The following MAST1 variants were observed in gnomAD, a reference collection of about 807,000 sequenced individuals.
MAST1 encodes microtubule-associated serine/threonine-protein kinase 1.
MAST1 carries 40 observed loss-of-function variants against 124.6 expected under a neutral mutation model. The ratio of observed to expected loss-of-function variants is 0.32; its 90% CI spans 0.25 to 0.42. MAST1 has a LOEUF of 0.42. MAST1 is among the 10% of genes least tolerant of loss of function. The pLI is 1.00. For synonymous variants in MAST1, 938 were observed against 939.4 expected (o/e 1.00, Z 0.03); for missense variants, 1,558 against 2,181.9 (o/e 0.71, Z 5.70).
At chr19:12,848,154 C>G in intron 7 of MAST1, 97 bp downstream of exon 7, 2 of 1,172,920 alleles carry the variant, frequency 1.7e-6, no homozygotes, top group Non-Finnish European at 2.4e-6. Context: ...TCAGGGAGCT[C>G]CTACCACGTT....
At chr19:12,846,605 G>A (rs147199224) in intron 4 of MAST1, among the ~76,000 whole-genome samples, 170 of 152,086 alleles carry the variant, frequency 1.1e-3, no homozygotes, top group African/African-American at 3.9e-3. Flanking sequence ...GGCTGGGTGC[G>A]GTGGCTTGTG....
At chr19:12,860,029 C>T (rs1402122884) in intron 12 of MAST1, among the ~76,000 whole-genome samples, 1 of 151,800 alleles carries the variant, frequency 6.6e-6, no homozygotes, top group African/African-American at 2.4e-5. Flanking sequence ...ATCCACCTTT[C>T]CATCCATCCC....
chr19:12,862,285 G>A (rs755553334), intron 12 of MAST1, among the ~76,000 whole-genome samples: 3 of 152,124 alleles, frequency 2.0e-5, no homozygotes, highest in Non-Finnish European at 4.4e-5. Flanking sequence ...GATTACAGGC[G>A]TGAATCACTG....
chr19:12,868,102 GATTT>G, intron 20 of MAST1, 125 bp downstream of exon 20: 3 of 539,194 alleles, frequency 5.6e-6, no homozygotes, highest in African/African-American at 3.3e-5. Flanking sequence ...TGCAATTTGG[GATTT>G]TTTTTTTTTT....
Position 12,847,551 on chromosome 19 carries a change from CG to C in MAST1, c.489-56del. On this transcript the variant is annotated intron_variant, in intron 5 of 25. Coordinates refer to ENST00000251472, the MANE Select transcript of MAST1 (RefSeq NM_014975.3). This position sits in a 1 kb window ranked among gnomAD's most constrained non-coding sequence, Gnocchi z 5.5. The stretch of plus-strand genomic sequence containing the variant: ...CGAATAAAAGGGTTACATCTTGGGG[CG>C]GGGGCTCTCTGCGGGCTTGGAGGCA... 1 of 1,612,870 alleles carries C rather than the reference CG, an allele frequency of 6.2e-7. No homozygotes were observed. The highest frequency in any genetic ancestry group is 8.5e-7 in the Non-Finnish European group (1 of 1,179,134).
chr19:12,853,049 C>G (rs1194950872), intron 10 of MAST1, among the ~76,000 whole-genome samples: 1 of 150,690 alleles, frequency 6.6e-6, no homozygotes, highest in African/African-American at 2.4e-5. Context: ...CAGCTCACCA[C>G]AACCTCCATC....
chr19:12,841,962 G>C lies in MAST1; in HGVS notation c.248+896G>C, dbSNP rs1021873921. On this transcript the variant is annotated intron_variant, in intron 3 of 25. Coordinates refer to ENST00000251472, the MANE Select transcript of MAST1 (RefSeq NM_014975.3). The surrounding 1 kb of genome is among the most constrained non-coding windows in gnomAD (Gnocchi z 4.3). ...TATCCGCAAGCGGGGAGGACTGAGCGAGGGGACTGCTGGGAGGAAGAAGGA... is the reference window on the plus strand; with the variant it reads ...TATCCGCAAGCGGGGAGGACTGAGCCAGGGGACTGCTGGGAGGAAGAAGGA... Among the ~76,000 whole-genome samples the C allele has an allele frequency of 2.0e-5, 3 of 152,182 alleles. No homozygotes were observed. Among genetic ancestry groups the C allele is most frequent in the African/African-American group, 7.2e-5 (3 of 41,452 alleles).
intron 18 of MAST1, among the ~76,000 whole-genome samples, chr19:12,867,204 A>G (rs1468061521): frequency 3.3e-5 from 5 of 152,192 alleles, no homozygotes; most frequent in Non-Finnish European, 5.9e-5. Flanking sequence ...GGAGACATAA[A>G]TTAAGGGGGT....
chr19:12,840,463 G>C lies in MAST1; in HGVS notation c.101G>C (p.Arg34Pro). ...CCCCGCAGCTGCCGCACCAGTAATC[G>C]GAAAAGCCTCATCCTGACCAGCACT... The part of the protein sequence containing the change: ...RRTKSCRTSN[R>P]KSLILTSTSP... The change falls in exon 2 of 26, where the codon CGG becomes CCG. Residue 34 changes from arginine (R) to proline (P), a missense_variant. Arg to Pro is a moderately radical substitution (Grantham distance 103, BLOSUM62 -2). Coordinates refer to ENST00000251472, the MANE Select transcript of MAST1 (RefSeq NM_014975.3). 1 of 1,613,712 alleles carries C rather than the reference G, an allele frequency of 6.2e-7. No individual in the cohort carries two copies. The highest frequency in any genetic ancestry group is 8.5e-7 in the Non-Finnish European group (1 of 1,179,748).
chr19:12,844,312 C>T (rs1187019378), intron 4 of MAST1, among the ~76,000 whole-genome samples: 1 of 152,200 alleles, frequency 6.6e-6, no homozygotes, highest in African/African-American at 2.4e-5. Flanking sequence ...CTTTTCTATC[C>T]ATGCCCATAG....
intron 12 of MAST1, among the ~76,000 whole-genome samples, chr19:12,859,967 C>G (rs1970060146): frequency 6.6e-6 from 1 of 151,364 alleles, no homozygotes; most frequent in East Asian, 1.9e-4. Flanking sequence ...CTTCCAAAGT[C>G]CTGGGATTAC....
intron 10 of MAST1, among the ~76,000 whole-genome samples, chr19:12,857,223 AC>A (rs2145899903): frequency 6.6e-6 from 1 of 151,872 alleles, no homozygotes; most frequent in South Asian, 2.1e-4. Flanking sequence ...AGCTGGGATT[AC>A]AGGCATGTGC....
Position 12,838,517 on chromosome 19 carries a change from C to G in MAST1, c.-56C>G. The G allele has an allele frequency of 3.7e-6, 5 of 1,344,572 alleles. No individual in the cohort carries two copies. The Middle Eastern group carries it at 9.5e-4, about 256-fold the overall frequency. 83.3% of individuals were successfully genotyped at this position (1,344,572 alleles called of 1,614,324 possible). A position where few individuals can be genotyped will look rare whatever the true frequency, so the allele number is the denominator to read the frequency against. ...GCGCGCTTGCTCCCCGCGCCGCCGCCGCCGCCGCCTCCGCCGCTGCTGCCG... is the reference window on the plus strand; with the variant it reads ...GCGCGCTTGCTCCCCGCGCCGCCGCGGCCGCCGCCTCCGCCGCTGCTGCCG... On this transcript the variant is annotated 5_prime_UTR_variant, in exon 1 of 26. Transcript: ENST00000251472. This position sits in a 1 kb window ranked among gnomAD's most constrained non-coding sequence, Gnocchi z 4.3.
intron 12 of MAST1, among the ~76,000 whole-genome samples, chr19:12,863,415 G>A (rs929787696): frequency 2.6e-5 from 4 of 152,042 alleles, no homozygotes; most frequent in African/African-American, 9.7e-5. Context: ...AAATCTCGCA[G>A]AAAAGAGAAC....
chr19:12,840,671 A>G (rs759059371), intron 2 of MAST1, 137 bp downstream of exon 2: 16 of 690,954 alleles, frequency 2.3e-5, no homozygotes, highest in Non-Finnish European at 2.3e-5. Context: ...GGGCGGGGCC[A>G]TGCTTGTGTG....
chr19:12,840,335 A>G (rs1046694552), intron 1 of MAST1, 111 bp from the exon 2 acceptor site: 1 of 717,710 alleles, frequency 1.4e-6, no homozygotes, highest in African/African-American at 1.7e-5. Flanking sequence ...GCCTCCAAAC[A>G]CACATGGATG....
chr19:12,845,833 A>G (rs1969886907), intron 4 of MAST1, among the ~76,000 whole-genome samples: 1 of 151,652 alleles, frequency 6.6e-6, no homozygotes. Flanking sequence ...ATTTTTTTAT[A>G]TTTTTAGTAG....
rs1198318472 is a variant in MAST1, at chr19:12,848,014, A to G, written c.731A>G (p.Tyr244Cys). 1.9e-6 allele frequency: 3 copies of G among 1,614,154 alleles called. No homozygotes were observed. Among genetic ancestry groups the G allele is most frequent in the Non-Finnish European group, 2.5e-6 (3 of 1,180,004 alleles). ...CGTGACGGCCTCATCACCACGGTCT[A>G]CTTCTATGAATTGCAGGAGAACCTG... ...KSRDGLITTV[Y>C]FYELQENLEK... Residue 244 changes from tyrosine to cysteine, a missense_variant, in exon 7 of 26, where the codon TAC (tyrosine) becomes TGC (cysteine). This residue lies in a region of MAST1 where 165 missense variants were observed against 315.3 expected (regional missense o/e 0.52). Coordinates refer to ENST00000251472, the MANE Select transcript of MAST1 (RefSeq NM_014975.3).
At chr19:12,840,612 T>C (rs1458431366) in intron 2 of MAST1, 78 bp downstream of exon 2, 7 of 1,090,768 alleles carry the variant, frequency 6.4e-6, no homozygotes, top group Admixed American at 2.0e-5. Flanking sequence ...AGCGTGGTCA[T>C]GCTACAGAAG....
Sources: allele counts gnomAD v4.1 joint callset (sites outside exome capture counted in the v4.1 genomes callset), GRCh38; gene constraint gnomAD v4.1.1; regional missense constraint gnomAD v4.1.1; non-coding constraint Gnocchi (gnomAD v3.1); transcripts MANE v1.5; gene names NCBI Gene and HGNC (gene_info 2026-07-23, HGNC 2026-07-21).